VAPB: variants seen among roughly 807,000 people sequenced by gnomAD.
The protein encoded by VAPB is VAMP associated protein B and C.
In VAPB, 7 loss-of-function variants were observed where a neutral mutation model predicts 25.6. The observed-to-expected ratio is 0.27, with a 90% CI of 0.16 to 0.51. The LOEUF is 0.51. VAPB is among the 20% of genes least tolerant of loss of function. The probability of loss-of-function intolerance (pLI) is 0.97; values close to 1 mark genes in which losing one functional copy is unlikely to be tolerated. For synonymous variants in VAPB, 112 were observed against 109.2 expected (o/e 1.03, Z -0.16); for missense variants, 266 against 301.3 (o/e 0.88, Z 0.87).
intron 2 of VAPB, among the ~76,000 whole-genome samples, chr20:58,427,536 T>C (rs990811781): frequency 2.0e-5 from 3 of 151,502 alleles, no homozygotes; most frequent in African/African-American, 7.3e-5. Context: ...CTCGTAGCAT[T>C]ATGATGCAGG....
chr20:58,423,446 A>AAAAAAAAAAC (rs1568711839), intron 2 of VAPB, among the ~76,000 whole-genome samples: 1 of 145,322 alleles, frequency 6.9e-6, no homozygotes, highest in Non-Finnish European at 1.5e-5. Flanking sequence ...AAAAAAAAAA[A>AAAAAAAAAAC]AAAGAAAAGA....
chr20:58,443,114 G>A (rs1429091893), intron 5 of VAPB, among the ~76,000 whole-genome samples: 1 of 152,152 alleles, frequency 6.6e-6, no homozygotes, highest in Non-Finnish European at 1.5e-5. Context: ...GGCAGTGGAG[G>A]TGAAGGAAGA....
intron 1 of VAPB, among the ~76,000 whole-genome samples, chr20:58,414,875 G>T (rs1988498801): frequency 6.6e-6 from 1 of 152,240 alleles, no homozygotes; most frequent in Non-Finnish European, 1.5e-5. Flanking sequence ...AAGGCAGGCG[G>T]CTGGGAGGTG....
intron 3 of VAPB, among the ~76,000 whole-genome samples, chr20:58,436,295 T>TAATGAGA (rs1271003688): frequency 1.3e-5 from 2 of 151,754 alleles, no homozygotes; most frequent in Non-Finnish European, 2.9e-5. Flanking sequence ...TAACCATCAT[T>TAATGAGA]AATGAGAAAT....
rs1473897122 is a variant in VAPB at position 58,389,235 on chromosome 20, C to A, written c.-225C>A. ...CGTGCGTGCGTGCGTGCGTGCGTGC[C>A]GTCAGCTCGCCGGGCACCGCGGCCT... is the stretch of plus-strand genomic sequence containing the variant. On this transcript the variant is annotated 5_prime_UTR_variant, in exon 1 of 6. Transcript: ENST00000475243. The A allele has an allele frequency of 1.5e-6, 1 of 645,846 alleles. No homozygotes were observed. Among genetic ancestry groups the A allele is most frequent in the Non-Finnish European group, 2.8e-6 (1 of 352,790 alleles). The allele number at this position is 645,846 out of a possible 1,614,324, so 40.0% of individuals were successfully genotyped here.
At chr20:58,410,316 C>T (rs1224838816) in intron 1 of VAPB, among the ~76,000 whole-genome samples, 1 of 152,144 alleles carries the variant, frequency 6.6e-6, no homozygotes, top group Non-Finnish European at 1.5e-5. Flanking sequence ...CATGTATCCA[C>T]CATTATAATA....
In VAPB at chr20:58,441,412, C is replaced by T. The variant is rs1204097682; in HGVS notation, c.573+329C>T. ...ATCCCAGCACTTTGGGAGGCCAAGG[C>T]GGGCCGATCACAAGGTCAAGCGTTC... On this transcript the variant is annotated intron_variant, in intron 5 of 5. Coordinates refer to ENST00000475243, the MANE Select transcript of VAPB (RefSeq NM_004738.5). 4.6e-5 allele frequency among the ~76,000 whole-genome samples: 7 copies of T among 152,214 alleles called. No homozygotes were observed. In the East Asian group the frequency reaches 9.7e-4, roughly 21 times the overall value.
At chr20:58,391,970 T>C (rs1987810558) in intron 1 of VAPB, among the ~76,000 whole-genome samples, 1 of 152,242 alleles carries the variant, frequency 6.6e-6, no homozygotes, top group Non-Finnish European at 1.5e-5. Context: ...AAAATTGTGT[T>C]GCTTCTCCTT....
At chr20:58,420,801 C>A (rs1450720852) in intron 2 of VAPB, among the ~76,000 whole-genome samples, 1 of 152,178 alleles carries the variant, frequency 6.6e-6, no homozygotes, top group East Asian at 1.9e-4. Context: ...TCTAGGACAG[C>A]CTTGCAAGTC....
At chr20:58,429,505 G>A (rs767030652) in intron 2 of VAPB, among the ~76,000 whole-genome samples, 8 of 152,236 alleles carry the variant, frequency 5.3e-5, no homozygotes, top group Non-Finnish European at 1.0e-4. Flanking sequence ...TTCTAGGCCT[G>A]GAGCTGTGCT....
intron 2 of VAPB, among the ~76,000 whole-genome samples, chr20:58,426,956 T>G (rs1017567074): frequency 3.3e-5 from 5 of 152,260 alleles, no homozygotes; most frequent in African/African-American, 1.2e-4. Flanking sequence ...CAGACGAAAG[T>G]GATCTGTGAT....
At chr20:58,395,502 A>G (rs1174129399) in intron 1 of VAPB, among the ~76,000 whole-genome samples, 2 of 152,188 alleles carry the variant, frequency 1.3e-5, no homozygotes, top group Non-Finnish European at 2.9e-5. Flanking sequence ...CTAAAGGATG[A>G]TCATGATTTG....
At chr20:58,442,799 G>A (rs1440629365) in intron 5 of VAPB, among the ~76,000 whole-genome samples, 1 of 152,216 alleles carries the variant, frequency 6.6e-6, no homozygotes, top group East Asian at 1.9e-4. Context: ...GCAACAAATT[G>A]CAGGGAGAGT....
At chr20:58,417,090 CAA>C (rs1268750365) in intron 1 of VAPB, among the ~76,000 whole-genome samples, 3 of 152,040 alleles carry the variant, frequency 2.0e-5, no homozygotes, top group Non-Finnish European at 2.9e-5. Context: ...AATGCAAAGA[CAA>C]GAGTAAAGGA....
At chr20:58,408,940 C>T (rs916280320) in intron 1 of VAPB, among the ~76,000 whole-genome samples, 1 of 111,652 alleles carries the variant, frequency 9.0e-6, no homozygotes, top group Non-Finnish European at 1.6e-5. Context: ...AGGAAAGGAA[C>T]AAACAAAATA....
chr20:58,445,046 C>T lies in VAPB; in HGVS notation c.*811C>T, dbSNP rs1246792615. On this transcript the variant is annotated 3_prime_UTR_variant, in exon 6 of 6. Transcript: ENST00000475243. ...TCTGTTGGGTGAACTGGTATTGCTGCTGGAGGGCTGTGGGCTCCTCTGTCT... is the reference window on the plus strand; with the variant it reads ...TCTGTTGGGTGAACTGGTATTGCTGTTGGAGGGCTGTGGGCTCCTCTGTCT... 2 of 454,790 alleles carry T rather than the reference C, an allele frequency of 4.4e-6. No homozygotes were observed. The highest frequency in any genetic ancestry group is 8.8e-6 in the Non-Finnish European group (2 of 226,796). The allele number at this position is 454,790 out of a possible 1,614,324, so 28.2% of individuals were successfully genotyped here.
At position 58,448,367 on chromosome 20, in the gene VAPB, T is replaced by C. The variant is rs1167351072; in HGVS notation, c.*4132T>C. 3 of 454,002 alleles carry C rather than the reference T, an allele frequency of 6.6e-6. No individual in the cohort carries two copies. Among genetic ancestry groups the C allele is most frequent in the Admixed American group, 4.7e-5 (2 of 42,562 alleles). The allele number at this position is 454,002 out of a possible 1,614,324, so 28.1% of individuals were successfully genotyped here. ...TTTTCCTCAGACAGATCTGCTCTGA[T>C]AGGAACCTTTTCAAGAAAGTTACTG... On this transcript the variant is annotated 3_prime_UTR_variant, in exon 6 of 6. Transcript: ENST00000475243.
At chr20:58,443,048 G>A (rs1276964783) in intron 5 of VAPB, among the ~76,000 whole-genome samples, 1 of 152,094 alleles carries the variant, frequency 6.6e-6, no homozygotes, top group Admixed American at 6.5e-5. Flanking sequence ...CATGGAAATG[G>A]CATCATAGAT....
rs1436721266 is a variant in VAPB at position 58,450,295 on chromosome 20, A to G, written c.*6060A>G. The G allele has an allele frequency of 4.4e-6, 2 of 453,836 alleles. No individual in the cohort carries two copies. Among genetic ancestry groups the G allele is most frequent in the African/African-American group, 2.0e-5 (1 of 49,986 alleles). The allele number at this position is 453,836 out of a possible 1,614,324, so 28.1% of individuals were successfully genotyped here. A position where few individuals can be genotyped will look rare whatever the true frequency, so the allele number is the denominator to read the frequency against. On this transcript the variant is annotated 3_prime_UTR_variant, in exon 6 of 6. Coordinates refer to ENST00000475243, the MANE Select transcript of VAPB (RefSeq NM_004738.5). ...CTGTGATATTGAGACCATGTGTACA[A>G]GAACTACTTTTTGCTTTTCATCATT...
Sources: allele counts gnomAD v4.1 joint callset (sites outside exome capture counted in the v4.1 genomes callset), GRCh38; gene constraint gnomAD v4.1.1; transcripts MANE v1.5; gene names NCBI Gene and HGNC (gene_info 2026-07-23, HGNC 2026-07-21).